The following PRKCZ variants were observed in gnomAD, a reference collection of about 807,000 sequenced individuals.
The protein encoded by PRKCZ is protein kinase C zeta, also known as protein kinase C zeta type.
Under a neutral mutation model 79.5 loss-of-function variants are expected in PRKCZ, and 33 were observed. The observed-to-expected ratio is 0.41, with a 90% confidence interval of 0.31 to 0.55. The LOEUF (loss-of-function observed/expected upper bound fraction) is 0.55. Among genes scored for constraint, PRKCZ ranks in the 20% least tolerant of loss-of-function variants. The pLI is 0.19. For synonymous variants in PRKCZ, 342 were observed against 320.9 expected (o/e 1.07, Z -0.70); for missense variants, 578 against 813.5 (o/e 0.71, Z 3.52).
At chr1:2,121,164 G>A (rs933479767) in intron 4 of PRKCZ, among the ~76,000 whole-genome samples, 34 of 152,224 alleles carry the variant, frequency 2.2e-4, no homozygotes, top group African/African-American at 5.3e-4. Context: ...TCCTTCTCAC[G>A]TGCAAAATAC....
Position 2,126,328 on chromosome 1 carries a change from T to C in PRKCZ, c.335-8934T>C, listed in dbSNP as rs553924688. On this transcript the variant is annotated intron_variant, in intron 4 of 17. Coordinates refer to ENST00000378567, the MANE Select transcript of PRKCZ (RefSeq NM_002744.6). The stretch of plus-strand genomic sequence containing the variant: ...GTCTGCTGACCTGGGCTGCAGGGGC[T>C]GCCCGGCTGGGGTCGTGGTCGGGGC... 3.9e-5 allele frequency among the ~76,000 whole-genome samples: 6 copies of C among 152,300 alleles called. No individual in the cohort carries two copies. The South Asian group carries it at 1.2e-3, about 32-fold the overall frequency.
chr1:2,130,102 C>T (rs777690144), intron 4 of PRKCZ, among the ~76,000 whole-genome samples: 5 of 152,148 alleles, frequency 3.3e-5, no homozygotes, highest in East Asian at 1.9e-4. Flanking sequence ...GACGGGGTCT[C>T]ACCATATTGC....
Position 2,150,909 on chromosome 1 carries a change from G to A in PRKCZ, c.807G>A (p.Val269=). Residue 269 remains valine (V), a synonymous_variant, in exon 9 of 18, where the codon GTG becomes GTA. Transcript: ENST00000378567. ...GRGSYAKVLL[V]RLKKNDQIYA... is the part of the protein sequence containing the mutation. ...GGAGCTACGCCAAGGTTCTCCTGGTGCGGTTGAAGAAGAATGACCAAATTT... is the reference window on the plus strand; with the variant it reads ...GGAGCTACGCCAAGGTTCTCCTGGTACGGTTGAAGAAGAATGACCAAATTT... The A allele has an allele frequency of 1.2e-6, 2 of 1,614,166 alleles. No homozygotes were observed. Among genetic ancestry groups the A allele is most frequent in the Non-Finnish European group, 8.5e-7 (1 of 1,180,040 alleles).
Position 2,061,511 on chromosome 1 carries a change from G to A in PRKCZ, c.334+1920G>A, listed in dbSNP as rs570180708. Among the ~76,000 whole-genome samples the A allele has an allele frequency of 2.0e-5, 3 of 152,302 alleles. No individual in the cohort carries two copies. In the East Asian group the frequency reaches 5.8e-4, roughly 29 times the overall value. On this transcript the variant is annotated intron_variant, in intron 4 of 17. Coordinates refer to ENST00000378567, the MANE Select transcript of PRKCZ (RefSeq NM_002744.6). ...TGGGGAATGCGGAGAATGTGGCCAAGCCCCGAGGAAGGACCTCCTGGGACA... is the reference window on the plus strand; with the variant it reads ...TGGGGAATGCGGAGAATGTGGCCAAACCCCGAGGAAGGACCTCCTGGGACA...
In PRKCZ at chr1:2,174,316, C is replaced by T. The variant is rs764738515; in HGVS notation, c.1405+300C>T. ...AGCATGTCCTTGACCGAGGCTGTAC[C>T]GAGCTGAAAGCACAGCCCCCACCCC... On this transcript the variant is annotated intron_variant, in intron 14 of 17. Coordinates refer to ENST00000378567, the MANE Select transcript of PRKCZ (RefSeq NM_002744.6). The surrounding 1 kb of genome is among the most constrained non-coding windows in gnomAD (Gnocchi z 6.2). Among the ~76,000 whole-genome samples, 1 of 152,198 alleles carries T rather than the reference C, an allele frequency of 6.6e-6. No individual in the cohort carries two copies. The highest frequency in any genetic ancestry group is 1.9e-4 in the East Asian group (1 of 5,192).
chr1:2,051,782 C>T (rs904027760), intron 1 of PRKCZ, among the ~76,000 whole-genome samples: 1 of 152,084 alleles, frequency 6.6e-6, no homozygotes, highest in South Asian at 2.1e-4. Context: ...CGAACCTTGT[C>T]TTGGGGTCTC....
At chr1:2,071,106 C>T (rs1424959417) in intron 4 of PRKCZ, among the ~76,000 whole-genome samples, 1 of 137,528 alleles carries the variant, frequency 7.3e-6, no homozygotes, top group Non-Finnish European at 1.6e-5. Context: ...GGGGCGCCTG[C>T]ACTGCCAGGT....
chr1:2,151,763 C>G (rs1220515204), intron 9 of PRKCZ, among the ~76,000 whole-genome samples: 3 of 152,140 alleles, frequency 2.0e-5, no homozygotes, highest in Non-Finnish European at 4.4e-5. Context: ...CTCAGGTGAT[C>G]CTCCCACTTC....
At position 2,173,434 on chromosome 1, in the gene PRKCZ, C is replaced by A. The variant is rs963793013; in HGVS notation, c.1286-463C>A. ...CCTTGGGCAAAACGGGTCAGGGTCT[C>A]CCACCCCTCATTCGCTGGAACACAT... is the stretch of plus-strand genomic sequence containing the variant. On this transcript the variant is annotated intron_variant, in intron 13 of 17. Coordinates refer to ENST00000378567, the MANE Select transcript of PRKCZ (RefSeq NM_002744.6). This position sits in a 1 kb window ranked among gnomAD's most constrained non-coding sequence, Gnocchi z 5.7. Among the ~76,000 whole-genome samples, 3 of 152,184 alleles carry A rather than the reference C, an allele frequency of 2.0e-5. No individual in the cohort carries two copies. Among genetic ancestry groups the A allele is most frequent in the African/African-American group, 7.2e-5 (3 of 41,432 alleles).
intron 10 of PRKCZ, 157 bp from the exon 11 acceptor site, chr1:2,169,359 CCT>C: frequency 1.4e-6 from 1 of 704,084 alleles, no homozygotes; most frequent in Non-Finnish European, 2.6e-6. Context: ...CCCACCAGCC[CCT>C]CTCTGCTGCC....
At chr1:2,069,106 G>C (rs1317881398) in intron 4 of PRKCZ, among the ~76,000 whole-genome samples, 1 of 152,186 alleles carries the variant, frequency 6.6e-6, no homozygotes, top group African/African-American at 2.4e-5. Context: ...TTCTGCAGTC[G>C]CTTGTCCTTA....
Position 2,095,145 on chromosome 1 carries a change from G to A in PRKCZ, c.334+35554G>A, listed in dbSNP as rs563202185. Among the ~76,000 whole-genome samples the A allele has an allele frequency of 3.9e-5, 6 of 152,284 alleles. 1 individual carries two copies. The South Asian group carries it at 1.2e-3, about 32-fold the overall frequency. On this transcript the variant is annotated intron_variant, in intron 4 of 17. Coordinates refer to ENST00000378567, the MANE Select transcript of PRKCZ (RefSeq NM_002744.6). ...ATCACCACTGGGTCCCAGATATGCC[G>A]TCTCCCTGGGGCACCTGTGCTTCTG...
chr1:2,160,744 C>G (rs1432120001), intron 10 of PRKCZ, among the ~76,000 whole-genome samples: 1 of 152,102 alleles, frequency 6.6e-6, no homozygotes, highest in Admixed American at 6.5e-5. Flanking sequence ...GGGGGAGTCA[C>G]CCCGGTTCGC....
intron 10 of PRKCZ, among the ~76,000 whole-genome samples, chr1:2,163,302 C>T (rs190194996): frequency 1.1e-3 from 173 of 152,336 alleles, no homozygotes; most frequent in Non-Finnish European, 2.0e-3. Context: ...AGGGGCTCTG[C>T]CTGCAGCCGT....
chr1:2,134,749 G>A (rs1015997167), intron 4 of PRKCZ: 2 of 152,412 alleles, frequency 1.3e-5, no homozygotes, highest in Non-Finnish European at 2.9e-5. Flanking sequence ...AGTGAAGTCA[G>A]TGGCGCTCTG....
intron 16 of PRKCZ, among the ~76,000 whole-genome samples, chr1:2,181,161 C>T (rs927732407): frequency 4.4e-4 from 64 of 146,192 alleles, no homozygotes; most frequent in Middle Eastern, 3.5e-3. Context: ...CGTCCTGTGT[C>T]CAAAAGCCTC....
chr1:2,107,337 C>G (rs910224891), intron 4 of PRKCZ, among the ~76,000 whole-genome samples: 1 of 152,238 alleles, frequency 6.6e-6, no homozygotes, highest in Non-Finnish European at 1.5e-5. Flanking sequence ...TGCTCCAGAC[C>G]TGCTTTTTTC....
At position 2,174,620 on chromosome 1, in the gene PRKCZ, G is replaced by A. The variant is rs1685095850; in HGVS notation, c.1406-134G>A. 8.7e-6 allele frequency: 7 copies of A among 803,940 alleles called. No individual in the cohort carries two copies. In the South Asian group the frequency reaches 9.7e-5, roughly 11 times the overall value. 49.8% of individuals were successfully genotyped at this position (803,940 alleles called of 1,614,324 possible). On this transcript the variant is annotated intron_variant, in intron 14 of 17. Transcript: ENST00000378567. This position sits in a 1 kb window ranked among gnomAD's most constrained non-coding sequence, Gnocchi z 6.2. Reference sequence around the variant, plus strand: ...GGGACTCCGGGTTATAGATATTGCTGGGCTGTAGGAAGGGAGGGGCTCCGG... The same window carrying A: ...GGGACTCCGGGTTATAGATATTGCTAGGCTGTAGGAAGGGAGGGGCTCCGG...
intron 4 of PRKCZ, among the ~76,000 whole-genome samples, chr1:2,115,540 C>T (rs570764515): frequency 3.3e-5 from 5 of 152,334 alleles, no homozygotes; most frequent in South Asian, 4.1e-4. Context: ...AATTACCTGA[C>T]GTTAGCGCAG....
Sources: allele counts gnomAD v4.1 joint callset (sites outside exome capture counted in the v4.1 genomes callset), GRCh38; gene constraint gnomAD v4.1.1; non-coding constraint Gnocchi (gnomAD v3.1); transcripts MANE v1.5; gene names NCBI Gene and HGNC (gene_info 2026-07-23, HGNC 2026-07-21).